The following APPL1 variants were observed in gnomAD, a reference collection of about 807,000 sequenced individuals.
APPL1 encodes adaptor protein, phosphotyrosine interacting with PH domain and leucine zipper 1.
Under a neutral mutation model 106.8 loss-of-function variants are expected in APPL1, and 42 were observed. The observed-to-expected ratio is 0.39, with a 90% CI of 0.31 to 0.51. The LOEUF (loss-of-function observed/expected upper bound fraction) is 0.51. Ranked by LOEUF, APPL1 falls within the 20% of genes least tolerant of loss-of-function variation. The pLI, the probability that APPL1 is intolerant of heterozygous loss-of-function variation, is 0.75. For synonymous variants in APPL1, 263 were observed against 281.8 expected (o/e 0.93, Z 0.67); for missense variants, 769 against 858.2 (o/e 0.90, Z 1.30).
intron 1 of APPL1, among the ~76,000 whole-genome samples, chr3:57,234,756 A>G (rs1417926336): frequency 1.3e-5 from 2 of 150,768 alleles, no homozygotes; most frequent in Non-Finnish European, 3.0e-5. Context: ...CCCAAGTTCA[A>G]GCTATTCTCT....
intron 6 of APPL1, 137 bp from the exon 7 acceptor site, chr3:57,242,719 T>A (rs1684120882): frequency 3.2e-6 from 2 of 625,456 alleles, no homozygotes; most frequent in Admixed American, 3.4e-5. Context: ...GTGGGGAAAA[T>A]TGAGTGCAGT....
chr3:57,229,763 G>C (rs2060676736), intron 1 of APPL1, among the ~76,000 whole-genome samples: 1 of 145,562 alleles, frequency 6.9e-6, no homozygotes, highest in African/African-American at 2.6e-5. Context: ...GCCCAGGCTG[G>C]AGTGCAATGT....
At chr3:57,238,216 A>G in intron 4 of APPL1, 100 bp downstream of exon 4, 3 of 800,950 alleles carry the variant, frequency 3.7e-6, no homozygotes, top group Admixed American at 3.2e-5. Context: ...TAAAGAGATG[A>G]CTAAAGAGGA....
intron 12 of APPL1, among the ~76,000 whole-genome samples, 190 bp downstream of exon 12, chr3:57,252,501 T>C (rs955471491): frequency 1.3e-5 from 2 of 152,226 alleles, no homozygotes; most frequent in African/African-American, 4.8e-5. Flanking sequence ...CACAGAATTT[T>C]ATAGTGGGAG....
intron 2 of APPL1, among the ~76,000 whole-genome samples, chr3:57,237,094 G>C (rs920511537): frequency 8.5e-5 from 13 of 152,098 alleles, no homozygotes; most frequent in African/African-American, 2.9e-4. Flanking sequence ...TATATGACTG[G>C]GTCAACCACA....
intron 4 of APPL1, 167 bp downstream of exon 4, chr3:57,238,283 T>G (rs2060726936): frequency 1.9e-6 from 1 of 522,946 alleles, no homozygotes; most frequent in Non-Finnish European, 3.3e-6. Flanking sequence ...CTTTACCTGA[T>G]TAAACATTGT....
At chr3:57,235,743 T>G in intron 2 of APPL1, 79 bp downstream of exon 2, 2 of 986,694 alleles carry the variant, frequency 2.0e-6, no homozygotes, top group South Asian at 3.0e-5. Context: ...GTCTGTCTTG[T>G]TTACCACTGC....
intron 9 of APPL1, among the ~76,000 whole-genome samples, chr3:57,247,698 T>A (rs749669443): frequency 6.6e-6 from 1 of 152,230 alleles, no homozygotes; most frequent in African/African-American, 2.4e-5. Flanking sequence ...TTATTGATTC[T>A]ACACTCAGTT....
Position 57,249,525 on chromosome 3 carries a change from G to C in APPL1, c.1029G>C (p.Gln343His). 1 of 1,590,154 alleles carries C rather than the reference G, an allele frequency of 6.3e-7. No individual in the cohort carries two copies. Among genetic ancestry groups the C allele is most frequent in the Non-Finnish European group, 8.5e-7 (1 of 1,170,260 alleles). The change falls in exon 11 of 22, where the codon CAG (glutamine) becomes CAC (histidine). Residue 343 changes from glutamine (Q) to histidine (H), a missense_variant. By Grantham distance (24) the Gln-to-His change is conservative. Transcript: ENST00000288266. The part of the protein sequence containing the change: ...VDCEDRRYCF[Q>H]ITSFDGKKSS... ...GTGAAGACAGACGATATTGTTTTCA[G>C]ATCACCTCTTTCGATGGAAAAAAGT...
At chr3:57,231,299 G>A (rs1288589179) in intron 1 of APPL1, among the ~76,000 whole-genome samples, 4 of 129,926 alleles carry the variant, frequency 3.1e-5, no homozygotes, top group Admixed American at 9.8e-5. Context: ...AAATTGTACC[G>A]TTGCACTCCA....
intron 11 of APPL1, among the ~76,000 whole-genome samples, chr3:57,250,822 T>TG (rs2060799799): frequency 1.4e-5 from 2 of 146,838 alleles, no homozygotes; most frequent in African/African-American, 5.0e-5. Context: ...TTTTTTTTTT[T>TG]TTTGAGACGG....
chr3:57,242,933 C>G lies in APPL1; in HGVS notation c.474+19C>G. 2 of 1,578,870 alleles carry G rather than the reference C, an allele frequency of 1.3e-6. No homozygotes were observed. The highest frequency in any genetic ancestry group is 1.7e-6 in the Non-Finnish European group (2 of 1,150,606). On this transcript the variant is annotated intron_variant, in intron 7 of 21. Coordinates refer to ENST00000288266, the MANE Select transcript of APPL1 (RefSeq NM_012096.3). ...TGACAAGGTGTGGTACATATTTATT[C>G]CTTCAGTGTCATAATTAACTATTCA...
At chr3:57,242,460 G>T (rs2060751890) in intron 6 of APPL1, among the ~76,000 whole-genome samples, 1 of 151,834 alleles carries the variant, frequency 6.6e-6, no homozygotes, top group African/African-American at 2.4e-5. Flanking sequence ...AAGATACAGG[G>T]TCTTGCTCTG....
In APPL1 at chr3:57,269,972, G is replaced by C. The variant is rs928603819; in HGVS notation, c.*285G>C. ...TTACATTTGCTCAAGAATTTTTTCC[G>C]TCAAATTGTGAACTTTTAATTCTTG... On this transcript the variant is annotated 3_prime_UTR_variant, in exon 22 of 22. Transcript: ENST00000288266. The C allele has an allele frequency of 4.6e-6, 1 of 218,620 alleles. No homozygotes were observed. The highest frequency in any genetic ancestry group is 9.8e-5 in the East Asian group (1 of 10,246). The allele number at this position is 218,620 out of a possible 1,614,324, so 13.5% of individuals were successfully genotyped here. A position where few individuals can be genotyped will look rare whatever the true frequency, so the allele number is the denominator to read the frequency against.
In APPL1 at chr3:57,256,969, C is replaced by G; in HGVS notation, c.1165C>G (p.Arg389Gly). ...AAAATTGAAATAGGAAACTGCTGCA[C>G]GAGTAAATCAATCAGCTCTGGAAGC... is the stretch of plus-strand genomic sequence containing the variant. ...LSENPEETAA[R>G]VNQSALEAVT... The change falls in exon 14 of 22, where the codon CGA (arginine) becomes GGA (glycine). Residue 389 changes from arginine (R) to glycine (G), a missense_variant. Physicochemically the swap from Arg to Gly is moderately radical, Grantham distance 125. Transcript: ENST00000288266. The G allele has an allele frequency of 6.2e-7, 1 of 1,613,976 alleles. No individual in the cohort carries two copies. Among genetic ancestry groups the G allele is most frequent in the Non-Finnish European group, 8.5e-7 (1 of 1,179,948 alleles).
chr3:57,229,735 C>T (rs956184234), intron 1 of APPL1, among the ~76,000 whole-genome samples: 5 of 110,148 alleles, frequency 4.5e-5, no homozygotes, highest in Non-Finnish European at 8.6e-5. Context: ...TTTCCTGAGA[C>T]GGGGTTTTGC....
chr3:57,236,734 G>A (rs1267218230), intron 2 of APPL1, among the ~76,000 whole-genome samples: 2 of 152,148 alleles, frequency 1.3e-5, no homozygotes, highest in Admixed American at 6.5e-5. Context: ...AAGATGAAGG[G>A]TATGACTAAG....
intron 1 of APPL1, among the ~76,000 whole-genome samples, chr3:57,231,539 T>C (rs1264840152): frequency 6.6e-6 from 1 of 151,836 alleles, no homozygotes; most frequent in Non-Finnish European, 1.5e-5. Context: ...GGCCTGCCAG[T>C]TGCTACCTAA....
chr3:57,264,632 G>A (rs1050983659), intron 19 of APPL1, among the ~76,000 whole-genome samples: 3 of 151,322 alleles, frequency 2.0e-5, no homozygotes, highest in Non-Finnish European at 4.4e-5. Flanking sequence ...AGAGAGAGGG[G>A]TCTAGTTTTA....
Sources: allele counts gnomAD v4.1 joint callset (sites outside exome capture counted in the v4.1 genomes callset), GRCh38; gene constraint gnomAD v4.1.1; transcripts MANE v1.5; gene names NCBI Gene and HGNC (gene_info 2026-07-23, HGNC 2026-07-21).